Variants in EIF3F observed in about 807,000 individuals in gnomAD.
EIF3F encodes the protein eukaryotic translation initiation factor 3 subunit F.
In EIF3F, 8 loss-of-function variants were observed where a neutral mutation model predicts 36.0. The ratio of observed to expected loss-of-function variants is 0.22; its 90% confidence interval spans 0.13 to 0.40. EIF3F has a LOEUF of 0.40. EIF3F is among the 10% of genes least tolerant of loss of function. The probability of loss-of-function intolerance (pLI) is 1.00; values close to 1 mark genes in which losing one functional copy is unlikely to be tolerated. For missense variants in EIF3F, 430 were observed against 467.6 expected (o/e 0.92, Z 0.74); for synonymous variants, 184 against 188.5 (o/e 0.98, Z 0.19).
Position 7,995,932 on chromosome 11 carries a change from CT to C in EIF3F, c.997-10del, listed in dbSNP as rs1217017292. On this transcript the variant is annotated splice_polypyrimidine_tract_variant and intron_variant, in intron 7 of 7. Transcript: ENST00000651655. ...CCCAACCCCCCACTCATTGTGTATT[CT>C]TTGTCTTCCAGGACCTTTTGATGGT... 3 of 1,613,442 alleles carry C rather than the reference CT, an allele frequency of 1.9e-6. No homozygotes were observed. Among genetic ancestry groups the C allele is most frequent in the Non-Finnish European group, 2.5e-6 (3 of 1,179,510 alleles).
In EIF3F at chr11:7,997,843, T is replaced by C. The variant is rs1483199794; in HGVS notation, c.*1821T>C. 6.6e-6 allele frequency: 1 copy of C among 152,250 alleles called. No individual in the cohort carries two copies. Among genetic ancestry groups the C allele is most frequent in the Non-Finnish European group, 1.5e-5 (1 of 68,038 alleles). The allele number at this position is 152,250 out of a possible 1,614,324, so 9.4% of individuals were successfully genotyped here. ...TTGAAAATATTGAGGGGGAAAATTG[T>C]GTCTGGACTAAACCTGTACAGACAT... On this transcript the variant is annotated 3_prime_UTR_variant, in exon 8 of 8. Coordinates refer to ENST00000651655, the MANE Select transcript of EIF3F (RefSeq NM_003754.3).
chr11:7,987,351 A>T lies in EIF3F; in HGVS notation c.-2A>T. 1 of 1,592,138 alleles carries T rather than the reference A, an allele frequency of 6.3e-7. No homozygotes were observed. The highest frequency in any genetic ancestry group is 2.2e-5 in the East Asian group (1 of 44,614). ...GCTTCCGCCTCCTTCTTTCTCGACA[A>T]GATGGCCACACCGGCGGTACCAGTA... On this transcript the variant is annotated 5_prime_UTR_variant, in exon 1 of 8. The change creates a new upstream start codon in the 5' untranslated region. Transcript: ENST00000651655.
chr11:7,994,915 G>A (rs757615179), intron 5 of EIF3F, 67 bp from the exon 6 acceptor site: 3 of 1,590,096 alleles, frequency 1.9e-6, no homozygotes, highest in Non-Finnish European at 2.6e-6. Flanking sequence ...TTTCCTGGTG[G>A]GATGACTGAA....
chr11:7,989,244 T>TA (rs1158876908), intron 1 of EIF3F, among the ~76,000 whole-genome samples: 1 of 152,212 alleles, frequency 6.6e-6, no homozygotes, highest in Non-Finnish European at 1.5e-5. Context: ...ACTCAGCAAA[T>TA]ACTTACTCTT....
rs759426288 is a variant in EIF3F, at chr11:7,995,116, C to A, written c.880C>A (p.Leu294Met). The change falls in exon 6 of 8, where the codon CTG becomes ATG. Residue 294 changes from leucine to methionine, a missense_variant and splice_region_variant. Around this residue, in one of 2 missense-constraint regions of EIF3F, gnomAD observed 262 missense variants for 347.4 expected, o/e 0.75. Transcript: ENST00000651655. Reference protein sequence around the residue: ...STVLQYAEDVLSGKVSADNTV... With the variant: ...STVLQYAEDVMSGKVSADNTV... ...AGTGTTGCAATATGCAGAGGATGTA[C>A]TGGTGAGAGGGGAAAGAAAAAACAA... 3 of 1,613,664 alleles carry A rather than the reference C, an allele frequency of 1.9e-6. No homozygotes were observed. Among genetic ancestry groups the A allele is most frequent in the Non-Finnish European group, 1.7e-6 (2 of 1,179,788 alleles).
Position 8,001,200 on chromosome 11 carries a change from C to T in EIF3F, c.*5178C>T, listed in dbSNP as rs1942216655. The stretch of plus-strand genomic sequence containing the variant: ...TTAAAACGATGTCATTTTTAAAAAT[C>T]AGATTCGCAAATTTTAAAAGTTGCT... On this transcript the variant is annotated 3_prime_UTR_variant, in exon 8 of 8. Transcript: ENST00000651655. The T allele has an allele frequency of 6.6e-6, 1 of 152,172 alleles. No homozygotes were observed. Among genetic ancestry groups the T allele is most frequent in the Non-Finnish European group, 1.5e-5 (1 of 68,026 alleles). 9.4% of individuals were successfully genotyped at this position (152,172 alleles called of 1,614,324 possible). A position where few individuals can be genotyped will look rare whatever the true frequency, so the allele number is the denominator to read the frequency against.
intron 1 of EIF3F, among the ~76,000 whole-genome samples, chr11:7,990,527 A>T (rs1942079840): frequency 6.6e-6 from 1 of 152,222 alleles, no homozygotes; most frequent in South Asian, 2.1e-4. Flanking sequence ...CTAAAAACCT[A>T]AAAAGTCAGG....
Position 8,000,366 on chromosome 11 carries a change from G to A in EIF3F, c.*4344G>A, listed in dbSNP as rs1391267441. 6.6e-6 allele frequency: 1 copy of A among 152,164 alleles called. No homozygotes were observed. The highest frequency in any genetic ancestry group is 1.5e-5 in the Non-Finnish European group (1 of 68,044). 9.4% of individuals were successfully genotyped at this position (152,164 alleles called of 1,614,324 possible). A position where few individuals can be genotyped will look rare whatever the true frequency, so the allele number is the denominator to read the frequency against. On this transcript the variant is annotated 3_prime_UTR_variant, in exon 8 of 8. Transcript: ENST00000651655. Reference sequence around the variant, plus strand: ...TGGAATCACAAAATTGAACTCACAAGCAGAGTGTAGAAAGGTGGTTTCATG... The same window carrying A: ...TGGAATCACAAAATTGAACTCACAAACAGAGTGTAGAAAGGTGGTTTCATG...
rs1254391906 is a variant in EIF3F, at chr11:7,987,557, C to A, written c.205C>A (p.Pro69Thr). The A allele has an allele frequency of 6.3e-7, 1 of 1,598,474 alleles. No individual in the cohort carries two copies. Among genetic ancestry groups the A allele is most frequent in the African/African-American group, 1.3e-5 (1 of 74,098 alleles). ...CCAGACCCCGGCCTCAGCGCAAGCT[C>A]CAGCGCAGACCCCAGCGCCCGCTCT... ...PGQTPASAQA[P>T]AQTPAPALPG... is the part of the protein sequence containing the mutation. The change falls in exon 1 of 8, where the codon CCA becomes ACA. Residue 69 changes from proline (P) to threonine (T), a missense_variant. Transcript: ENST00000651655.
intron 7 of EIF3F, chr11:7,995,677 C>G (rs11600137): frequency 1.7e-6 from 1 of 582,642 alleles, no homozygotes; most frequent in Admixed American, 3.1e-5. Flanking sequence ...CTTATTTCCC[C>G]CATCTGAGTT....
At chr11:7,993,286 G>A (rs577381849) in intron 4 of EIF3F, among the ~76,000 whole-genome samples, 1 of 152,288 alleles carries the variant, frequency 6.6e-6, no homozygotes, top group South Asian at 2.1e-4. Context: ...ATCTTTTGTA[G>A]GACCTAACTA....
At chr11:7,991,915 C>T (rs576942875) in intron 2 of EIF3F, 64 bp downstream of exon 2, 14 of 1,576,366 alleles carry the variant, frequency 8.9e-6, no homozygotes, top group South Asian at 5.5e-5. Flanking sequence ...GCTCCCCTCA[C>T]GGTCCCTCCC....
At position 7,996,617 on chromosome 11, in the gene EIF3F, G is replaced by A. The variant is rs1447619808; in HGVS notation, c.*595G>A. 6.6e-6 allele frequency: 1 copy of A among 152,466 alleles called. No individual in the cohort carries two copies. Among genetic ancestry groups the A allele is most frequent in the African/African-American group, 2.4e-5 (1 of 41,442 alleles). 9.4% of individuals were successfully genotyped at this position (152,466 alleles called of 1,614,324 possible). On this transcript the variant is annotated 3_prime_UTR_variant, in exon 8 of 8. Coordinates refer to ENST00000651655, the MANE Select transcript of EIF3F (RefSeq NM_003754.3). ...CTGTAACTCGAGGATAGAGCCTTGA[G>A]TTATACTGAGGTCTGCCAGTGGCTC...
Position 7,992,070 on chromosome 11 carries a change from G to A in EIF3F, c.436-14G>A. 6.2e-7 allele frequency: 1 copy of A among 1,612,360 alleles called. No homozygotes were observed. Among genetic ancestry groups the A allele is most frequent in the Non-Finnish European group, 8.5e-7 (1 of 1,179,728 alleles). On this transcript the variant is annotated splice_polypyrimidine_tract_variant and intron_variant, in intron 2 of 7. Coordinates refer to ENST00000651655, the MANE Select transcript of EIF3F (RefSeq NM_003754.3). The stretch of plus-strand genomic sequence containing the variant: ...TTCTGGCTTCTTAGCTTGCTTTCCT[G>A]CCTTCCCTCTTAGGTGGCTGTTGAC...
At chr11:7,991,934 A>G in intron 2 of EIF3F, 83 bp downstream of exon 2, 1 of 1,139,708 alleles carries the variant, frequency 8.8e-7, no homozygotes, top group Non-Finnish European at 1.2e-6. Context: ...CCACACTCAT[A>G]ACTAGAGCTC....
intron 5 of EIF3F, 129 bp from the exon 6 acceptor site, chr11:7,994,853 T>C: frequency 7.4e-7 from 1 of 1,352,006 alleles, no homozygotes; most frequent in Non-Finnish European, 1.0e-6. Flanking sequence ...CTGAGCAGAC[T>C]GAGTCTAAGG....
chr11:7,991,676 G>A, intron 1 of EIF3F, 105 bp from the exon 2 acceptor site: 1 of 1,063,820 alleles, frequency 9.4e-7, no homozygotes, highest in African/African-American at 1.6e-5. Context: ...GTTCAGTTAG[G>A]TGTTCATTGA....
chr11:7,995,723 T>C, intron 7 of EIF3F: 1 of 611,374 alleles, frequency 1.6e-6, no homozygotes, highest in South Asian at 2.0e-5. Flanking sequence ...GGGTTTCAGC[T>C]AAGGCACCCC....
chr11:7,998,721 AAAAC>A lies in EIF3F; in HGVS notation c.*2703_*2706del, dbSNP rs1942189511. 6.6e-6 allele frequency: 1 copy of A among 152,200 alleles called. No individual in the cohort carries two copies. Among genetic ancestry groups the A allele is most frequent in the Non-Finnish European group, 1.5e-5 (1 of 68,048 alleles). The allele number at this position is 152,200 out of a possible 1,614,324, so 9.4% of individuals were successfully genotyped here. Reference sequence around the variant, plus strand: ...TGTGTGTATATTATATATATGATAAAAAACAAAAGAATGATAAAAATTCCCAATA... The same window carrying A: ...TGTGTGTATATTATATATATGATAAAAAAAGAATGATAAAAATTCCCAATA... On this transcript the variant is annotated 3_prime_UTR_variant, in exon 8 of 8. Coordinates refer to ENST00000651655, the MANE Select transcript of EIF3F (RefSeq NM_003754.3).
Sources: gnomAD v4.1 joint callset for allele counts (sites outside exome capture counted in the v4.1 genomes callset) on GRCh38, gnomAD v4.1.1 for gene constraint, gnomAD v4.1.1 regional missense constraint, MANE v1.5 for transcripts, NCBI Gene and HGNC (gene_info 2026-07-23, HGNC 2026-07-21) for gene names.